EIF4G3: variants seen among roughly 807,000 people sequenced by gnomAD.
EIF4G3 encodes the protein eIF-4-gamma 3.
A neutral mutation model predicts 186.4 loss-of-function variants in EIF4G3; 34 were observed. That is an observed-to-expected ratio of 0.18 (90% CI 0.14 to 0.24). The LOEUF (loss-of-function observed/expected upper bound fraction) is 0.24. Ranked by LOEUF, EIF4G3 falls within the 10% of genes least tolerant of loss-of-function variation. The pLI, the probability that EIF4G3 is intolerant of heterozygous loss-of-function variation, is 1.00. For synonymous variants in EIF4G3, 673 were observed against 679.5 expected (o/e 0.99, Z 0.15); for missense variants, 1,536 against 1,948.5 (o/e 0.79, Z 3.99).
intron 20 of EIF4G3, among the ~76,000 whole-genome samples, chr1:20,877,037 G>A (rs2081084774): frequency 6.6e-6 from 1 of 152,152 alleles, no homozygotes; most frequent in Middle Eastern, 3.4e-3. Context: ...CTCATAAGTG[G>A]GTGGCTTGTC....
chr1:21,128,133 G>A (rs1487887489), intron 2 of EIF4G3, among the ~76,000 whole-genome samples: 1 of 152,042 alleles, frequency 6.6e-6, no homozygotes, highest in African/African-American at 2.4e-5. Context: ...TGTGAACCTG[G>A]GAGGTGGAGC....
At chr1:20,995,065 C>A (rs1393478704) in intron 7 of EIF4G3, among the ~76,000 whole-genome samples, 1 of 152,182 alleles carries the variant, frequency 6.6e-6, no homozygotes, top group Non-Finnish European at 1.5e-5. Flanking sequence ...CTGAAATCAA[C>A]CTTTTCTCAC....
chr1:21,018,352 C>A (rs539827693), intron 4 of EIF4G3, among the ~76,000 whole-genome samples: 1 of 151,972 alleles, frequency 6.6e-6, no homozygotes, highest in African/African-American at 2.4e-5. Flanking sequence ...GAGGCCGAGG[C>A]GGGCGGATCA....
chr1:21,120,778 A>G lies in EIF4G3; in HGVS notation c.-271-31565T>C, dbSNP rs145692649. On this transcript the variant is annotated intron_variant, in intron 2 of 36. Transcript: ENST00000602326. ...ACTATGGCACCGAATATGAATCTCA[A>G]CTCACATTACTTAATACGCATCTCA... Among the ~76,000 whole-genome samples the G allele has an allele frequency of 2.6e-5, 4 of 152,264 alleles. No homozygotes were observed. The East Asian group carries it at 7.7e-4, about 29-fold the overall frequency.
rs745635381 is a variant in EIF4G3 at position 20,864,720 on chromosome 1, G to A, written c.2770-8C>T. ...CCTTGTCCTCTCCTCTGGCTGTTGT[G>A]TAAGGAGGAATAATAGCATCTTGAT... On this transcript the variant is annotated splice_polypyrimidine_tract_variant and splice_region_variant and intron_variant, in intron 21 of 36. Coordinates refer to ENST00000602326, the MANE Select transcript of EIF4G3 (RefSeq NM_001391906.1). 7 of 1,604,840 alleles carry A rather than the reference G, an allele frequency of 4.4e-6. No homozygotes were observed. The highest frequency in any genetic ancestry group is 6.0e-6 in the Non-Finnish European group (7 of 1,172,200).
chr1:21,150,555 C>T (rs1286953396), intron 2 of EIF4G3, among the ~76,000 whole-genome samples: 6 of 152,186 alleles, frequency 3.9e-5, no homozygotes, highest in Non-Finnish European at 8.8e-5. Flanking sequence ...AATCTAAACG[C>T]ATTTCAAATT....
At chr1:21,106,678 G>A (rs1418307003) in intron 2 of EIF4G3, among the ~76,000 whole-genome samples, 1 of 151,888 alleles carries the variant, frequency 6.6e-6, no homozygotes, top group Non-Finnish European at 1.5e-5. Flanking sequence ...CTCATCCAAA[G>A]ATACAAATTT....
At chr1:21,053,889 G>T (rs1381036404) in intron 3 of EIF4G3, among the ~76,000 whole-genome samples, 13 of 151,584 alleles carry the variant, frequency 8.6e-5, no homozygotes, top group Admixed American at 8.5e-4. Context: ...CGTCTGCGAG[G>T]TGAGGGGCGC....
chr1:21,110,755 C>G (rs146090367), intron 2 of EIF4G3, among the ~76,000 whole-genome samples: 1,939 of 151,564 alleles, frequency 0.013, 21 homozygotes, highest in East Asian at 0.022. Context: ...TTAGTAGAGA[C>G]AGGGTTTCAC....
intron 19 of EIF4G3, among the ~76,000 whole-genome samples, chr1:20,882,205 ACACAC>A (rs2082581866): frequency 6.6e-6 from 1 of 151,120 alleles, no homozygotes; most frequent in East Asian, 1.9e-4. Context: ...ACACACACAC[ACACAC>A]ACACAAAATC....
intron 34 of EIF4G3, among the ~76,000 whole-genome samples, chr1:20,817,054 T>TA (rs2061186598): frequency 1.4e-5 from 2 of 139,610 alleles, no homozygotes; most frequent in African/African-American, 5.3e-5. Flanking sequence ...GCATGCTCGT[T>TA]AAGAGTCATC....
intron 19 of EIF4G3, among the ~76,000 whole-genome samples, chr1:20,884,288 G>A (rs535267854): frequency 1.2e-4 from 19 of 152,172 alleles, no homozygotes; most frequent in Non-Finnish European, 2.8e-4. Context: ...AGAGGACTCT[G>A]TTATAAACAG....
At chr1:21,057,453 C>T (rs1368492489) in intron 3 of EIF4G3, among the ~76,000 whole-genome samples, 6 of 151,884 alleles carry the variant, frequency 4.0e-5, no homozygotes, top group Non-Finnish European at 7.4e-5. Context: ...AAAACTTGAC[C>T]GTATTAGTCA....
intron 14 of EIF4G3, among the ~76,000 whole-genome samples, chr1:20,935,594 G>A (rs1157445023): frequency 6.6e-6 from 1 of 152,072 alleles, no homozygotes; most frequent in Admixed American, 6.5e-5. Context: ...ACGTATTTGT[G>A]GGGTACATGT....
chr1:20,864,434 C>T, intron 22 of EIF4G3, 42 bp downstream of exon 22: 1 of 1,441,546 alleles, frequency 6.9e-7, no homozygotes, highest in South Asian at 1.2e-5. Flanking sequence ...TTGCAACTGA[C>T]AAGGAGCCTT....
chr1:20,851,421 C>A lies in EIF4G3; in HGVS notation c.3609G>T (p.Arg1203=), dbSNP rs373484670. 2.2e-5 allele frequency: 35 copies of A among 1,613,990 alleles called. No individual in the cohort carries two copies. Among genetic ancestry groups the A allele is most frequent in the African/African-American group, 2.7e-5 (2 of 74,900 alleles). The change falls in exon 28 of 37, where the codon CGG becomes CGT. Residue 1203 remains arginine (R), a synonymous_variant. Transcript: ENST00000602326. ...NDKPLPSATA[R]PNTFMRGGSS... ...TGCCACCCCTCATGAAAGTATTTGG[C>A]CGAGCTGTTGCAGATGGAAGGGGCT... is the stretch of plus-strand genomic sequence containing the variant.
chr1:21,030,338 T>G (rs189842708), intron 4 of EIF4G3, among the ~76,000 whole-genome samples: 1 of 152,220 alleles, frequency 6.6e-6, no homozygotes, highest in Non-Finnish European at 1.5e-5. Context: ...GGTCTTTTCC[T>G]GTGCTGTTCT....
intron 22 of EIF4G3, among the ~76,000 whole-genome samples, chr1:20,862,860 A>C (rs1425855015): frequency 6.6e-6 from 1 of 152,100 alleles, no homozygotes; most frequent in Non-Finnish European, 1.5e-5. Flanking sequence ...TTGCAGCCTC[A>C]ATCTCCTGGG....
chr1:20,867,881 G>C lies in EIF4G3; in HGVS notation c.2623-2619C>G, dbSNP rs181151817. On this transcript the variant is annotated intron_variant, in intron 20 of 36. Coordinates refer to ENST00000602326, the MANE Select transcript of EIF4G3 (RefSeq NM_001391906.1). ...TAAACTTTTCAGATATATTCACATG[G>C]AAGTATTAAAACTGAATAACTAGCA... 2.0e-5 allele frequency among the ~76,000 whole-genome samples: 3 copies of C among 152,220 alleles called. No individual in the cohort carries two copies. In the East Asian group the frequency reaches 5.8e-4, roughly 29 times the overall value.
Sources: gnomAD v4.1 joint callset for allele counts (sites outside exome capture counted in the v4.1 genomes callset) on GRCh38, gnomAD v4.1.1 for gene constraint, MANE v1.5 for transcripts, NCBI Gene and HGNC (gene_info 2026-07-23, HGNC 2026-07-21) for gene names.